The following PADI6 variants were observed in gnomAD, a reference collection of about 807,000 sequenced individuals.
PADI6 encodes the protein peptidyl arginine deiminase 6, also known as inactive protein-arginine deiminase type-6.
In PADI6, 66 loss-of-function variants were observed where a neutral mutation model predicts 78.2. The observed-to-expected ratio is 0.84, with a 90% confidence interval of 0.69 to 1.04. The LOEUF (loss-of-function observed/expected upper bound fraction) is 1.04, where lower values mean the gene tolerates loss of function less well. Ranked by LOEUF, PADI6 falls within the 50% of genes least tolerant of loss-of-function variation. PADI6 has a pLI of 0.00. For missense variants in PADI6, 854 were observed against 866.1 expected, an observed-to-expected ratio of 0.99 and a Z score of 0.18; for synonymous variants, 397 against 346.9, an observed-to-expected ratio of 1.14 and a Z score of -1.60.
At chr1:17,396,838 G>T (rs567876784) in intron 13 of PADI6, among the ~76,000 whole-genome samples, 2 of 152,242 alleles carry the variant, frequency 1.3e-5, no homozygotes, top group African/African-American at 4.8e-5. Context: ...GCTGGGGACA[G>T]AGTGGCCAGT....
rs763539154 is a variant in PADI6, at chr1:17,395,527, TTC to T, written c.1495-11_1495-10del. ...TGAGAAAGCTGGCTTCTGACCCAAG[TTC>T]TGTTTCCCAGGGCTTCCTGCTGCTC... On this transcript the variant is annotated splice_polypyrimidine_tract_variant and intron_variant, in intron 12 of 15. Coordinates refer to ENST00000619609, the MANE Select transcript of PADI6 (RefSeq NM_207421.4). The T allele has an allele frequency of 3.2e-6, 5 of 1,550,020 alleles. No individual in the cohort carries two copies. The highest frequency in any genetic ancestry group is 2.4e-5 in the East Asian group (1 of 40,946).
At chr1:17,386,666 C>T (rs1410389613) in intron 6 of PADI6, among the ~76,000 whole-genome samples, 1 of 152,148 alleles carries the variant, frequency 6.6e-6, no homozygotes, top group African/African-American at 2.4e-5. Flanking sequence ...CAGGAACTAG[C>T]ACAGGAGTGG....
In PADI6 at chr1:17,380,007, G is replaced by A. The variant is rs537056902; in HGVS notation, c.435+20G>A. The A allele has an allele frequency of 1.2e-4, 195 of 1,612,714 alleles. No individual in the cohort carries two copies. The highest frequency in any genetic ancestry group is 1.6e-4 in the Non-Finnish European group (189 of 1,179,180). On this transcript the variant is annotated intron_variant, in intron 4 of 15. Coordinates refer to ENST00000619609, the MANE Select transcript of PADI6 (RefSeq NM_207421.4). Reference sequence around the variant, plus strand: ...GCTAAGGTGAGTCTGCCAGCAAAAGGGGGCAGGGAAGGGGCCCTATAAGCC... The same window carrying A: ...GCTAAGGTGAGTCTGCCAGCAAAAGAGGGCAGGGAAGGGGCCCTATAAGCC...
At chr1:17,388,208 G>T (rs2075142024) in intron 6 of PADI6, among the ~76,000 whole-genome samples, 173 bp from the exon 7 acceptor site, 1 of 152,220 alleles carries the variant, frequency 6.6e-6, no homozygotes, top group South Asian at 2.1e-4. Context: ...ACATCTGGTT[G>T]TCTACCAAGA....
chr1:17,372,628 A>C (rs71644048), intron 1 of PADI6, among the ~76,000 whole-genome samples: 1,895 of 152,144 alleles, frequency 0.012, 21 homozygotes, highest in Middle Eastern at 0.034. Context: ...CTGTGAAACC[A>C]TGGGGACGCT....
intron 2 of PADI6, among the ~76,000 whole-genome samples, chr1:17,374,873 G>A (rs1327099454): frequency 2.0e-5 from 3 of 152,136 alleles, no homozygotes; most frequent in Admixed American, 6.5e-5. Context: ...TGGCTGGAGG[G>A]CAGGTCTCTT....
At chr1:17,391,676 G>T (rs1376079416) in intron 8 of PADI6, among the ~76,000 whole-genome samples, 2 of 152,334 alleles carry the variant, frequency 1.3e-5, no homozygotes, top group Admixed American at 6.5e-5. Flanking sequence ...TGACAACCAT[G>T]CATGGTGGCA....
intron 12 of PADI6, 101 bp downstream of exon 12, chr1:17,395,208 TTTTTTTG>T (rs2075234310): frequency 1.0e-4 from 145 of 1,404,832 alleles, no homozygotes; most frequent in Middle Eastern, 2.4e-4. Flanking sequence ...TGTTTTTTTT[TTTTTTTG>T]TTTGTTTTTT....
rs748988623 is a variant in PADI6 at position 17,401,472 on chromosome 1, C to T, written c.*34C>T. ...CCTGGAGCTGCCAGCTCTGCCCCAG[C>T]GTGGATGGCCCACTGTCACCATGCA... On this transcript the variant is annotated 3_prime_UTR_variant, in exon 16 of 16. Transcript: ENST00000619609. The T allele has an allele frequency of 2.4e-5, 38 of 1,561,872 alleles. No homozygotes were observed. In the Admixed American group the frequency reaches 3.1e-4, roughly 13 times the overall value.
intron 6 of PADI6, among the ~76,000 whole-genome samples, chr1:17,383,833 T>C (rs1224082686): frequency 6.6e-6 from 1 of 150,724 alleles, no homozygotes; most frequent in Middle Eastern, 3.3e-3. Flanking sequence ...CTCAAAAAAA[T>C]AATTTTTTTA....
chr1:17,394,168 G>GA, intron 10 of PADI6, 86 bp downstream of exon 10: 4 of 1,546,320 alleles, frequency 2.6e-6, no homozygotes, highest in Non-Finnish European at 3.5e-6. Flanking sequence ...ACCAAGTGGG[G>GA]AGAGGGCCCA....
intron 1 of PADI6, among the ~76,000 whole-genome samples, 166 bp from the exon 2 acceptor site, chr1:17,372,890 G>A (rs74549349): frequency 0.18 from 27,474 of 151,954 alleles, 2,609 homozygotes; most frequent in Middle Eastern, 0.3. Context: ...AGCAAACACA[G>A]GGGTCCTTTG....
intron 7 of PADI6, 89 bp downstream of exon 7, chr1:17,388,648 G>T (rs542956531): frequency 2.7e-6 from 4 of 1,466,330 alleles, no homozygotes; most frequent in African/African-American, 1.4e-5. Flanking sequence ...CTTGAGGTTT[G>T]CTGGGGGAGA....
chr1:17,372,446 G>A, intron 1 of PADI6, 85 bp downstream of exon 1: 1 of 1,291,772 alleles, frequency 7.7e-7, no homozygotes, highest in Non-Finnish European at 1.1e-6. Context: ...GGGAGTTGGG[G>A]GTTACTTCTC....
At chr1:17,391,132 A>G (rs2075178460) in intron 8 of PADI6, among the ~76,000 whole-genome samples, 1 of 152,206 alleles carries the variant, frequency 6.6e-6, no homozygotes, top group African/African-American at 2.4e-5. Flanking sequence ...AAGCCGGACT[A>G]CAGTCCCAAT....
intron 3 of PADI6, among the ~76,000 whole-genome samples, chr1:17,376,169 T>C (rs2075014061): frequency 6.6e-6 from 1 of 151,906 alleles, no homozygotes; most frequent in Admixed American, 6.6e-5. Context: ...GAGACAGGTT[T>C]TCACCATGTT....
chr1:17,399,301 TTAAAA>T (rs1557611192), intron 15 of PADI6, among the ~76,000 whole-genome samples: 1 of 152,148 alleles, frequency 6.6e-6, no homozygotes, highest in African/African-American at 2.4e-5. Context: ...ACATCAGCCC[TTAAAA>T]TAACATTCTA....
At chr1:17,386,485 T>G (rs1276003546) in intron 6 of PADI6, among the ~76,000 whole-genome samples, 1 of 152,040 alleles carries the variant, frequency 6.6e-6, no homozygotes, top group African/African-American at 2.4e-5. Context: ...AGGCCCTAGG[T>G]GTGTGGCACC....
At chr1:17,395,931 A>C (rs2526834) in intron 13 of PADI6, among the ~76,000 whole-genome samples, 39,643 of 151,942 alleles carry the variant, frequency 0.26, 5,238 homozygotes, top group Middle Eastern at 0.4. Flanking sequence ...AAGTGGGGGG[A>C]AAACGGGTGT....
Sources: gnomAD v4.1 joint callset for allele counts (sites outside exome capture counted in the v4.1 genomes callset) on GRCh38, gnomAD v4.1.1 for gene constraint, MANE v1.5 for transcripts, NCBI Gene and HGNC (gene_info 2026-07-23, HGNC 2026-07-21) for gene names.